CSNK2A2IP: variants seen among roughly 807,000 people sequenced by gnomAD.
CSNK2A2IP encodes casein kinase II subunit alpha'-interacting protein.
the CSNK2A2IP span, among the ~76,000 whole-genome samples, chr3:88,449,818 G>A: frequency 3.2e-5 from 2 of 61,726 alleles, no homozygotes; most frequent in African/African-American, 1.5e-4. Flanking sequence ...TTTTTATATC[G>A]AGACACACAC....
the CSNK2A2IP span, among the ~76,000 whole-genome samples, chr3:88,382,076 T>C: frequency 6.6e-6 from 1 of 152,338 alleles, no homozygotes; most frequent in East Asian, 1.9e-4. Flanking sequence ...AATCTGATTC[T>C]TCACCCAATT....
chr3:88,438,935 G>A, the CSNK2A2IP span, among the ~76,000 whole-genome samples: 3 of 151,594 alleles, frequency 2.0e-5, no homozygotes, highest in African/African-American at 4.8e-5. Context: ...ATGTATCACC[G>A]CTCCCAAAGC....
At chr3:88,446,036 T>TTCTTTC in the CSNK2A2IP span, among the ~76,000 whole-genome samples, 2 of 14,054 alleles carry the variant, frequency 1.4e-4, no homozygotes, top group Non-Finnish European at 1.8e-4. Flanking sequence ...TTTCTTTTCT[T>TTCTTTC]TCTTTCTTTC....
the CSNK2A2IP span, among the ~76,000 whole-genome samples, chr3:88,396,705 A>C: frequency 6.6e-6 from 1 of 152,226 alleles, no homozygotes; most frequent in Non-Finnish European, 1.5e-5. Flanking sequence ...AATGATCTTG[A>C]AGCCAAATCT....
At chr3:88,412,493 A>G in the CSNK2A2IP span, among the ~76,000 whole-genome samples, 2 of 151,944 alleles carry the variant, frequency 1.3e-5, no homozygotes, top group African/African-American at 4.8e-5. Context: ...CTGTTTTGTA[A>G]TAAGTTTCAG....
chr3:88,440,567 T>A, the CSNK2A2IP span, among the ~76,000 whole-genome samples: 1 of 152,156 alleles, frequency 6.6e-6, no homozygotes. Context: ...GTTTTAAAAC[T>A]TTTTGGAAAA....
the CSNK2A2IP span, among the ~76,000 whole-genome samples, chr3:88,420,587 T>G: frequency 6.6e-6 from 1 of 152,276 alleles, no homozygotes; most frequent in South Asian, 2.1e-4. Flanking sequence ...TTCTACAACA[T>G]AAAAATGTTT....
At chr3:88,400,031 G>A in the CSNK2A2IP span, among the ~76,000 whole-genome samples, 1 of 152,162 alleles carries the variant, frequency 6.6e-6, no homozygotes, top group South Asian at 2.1e-4. Flanking sequence ...AGCATATAAT[G>A]AGTATGATAT....
chr3:88,454,955 G>A, the CSNK2A2IP span, among the ~76,000 whole-genome samples: 1 of 151,518 alleles, frequency 6.6e-6, no homozygotes, highest in Non-Finnish European at 1.5e-5. Context: ...CCTTTTATTA[G>A]GTTTCACATA....
the CSNK2A2IP span, among the ~76,000 whole-genome samples, chr3:88,352,504 T>C: frequency 2.0e-5 from 3 of 152,130 alleles, no homozygotes; most frequent in Non-Finnish European, 4.4e-5. Flanking sequence ...ACAAGCATTT[T>C]ATACTCCACA....
the CSNK2A2IP span, among the ~76,000 whole-genome samples, chr3:88,447,253 A>G: frequency 6.6e-6 from 1 of 152,164 alleles, no homozygotes. Flanking sequence ...CAAGTTATGA[A>G]TATTAAAGCA....
At chr3:88,364,747 CTTG>C in the CSNK2A2IP span, among the ~76,000 whole-genome samples, 1 of 152,072 alleles carries the variant, frequency 6.6e-6, no homozygotes, top group Non-Finnish European at 1.5e-5. Context: ...TTCCAGCAGA[CTTG>C]TTGTGGAGCA....
At chr3:88,454,069 A>T in the CSNK2A2IP span, among the ~76,000 whole-genome samples, 5 of 152,014 alleles carry the variant, frequency 3.3e-5, no homozygotes, top group African/African-American at 1.2e-4. Flanking sequence ...TGAGAGTTTC[A>T]ATTCCTCCAC....
the CSNK2A2IP span, among the ~76,000 whole-genome samples, chr3:88,342,295 T>A: frequency 6.6e-6 from 1 of 152,030 alleles, no homozygotes; most frequent in Non-Finnish European, 1.5e-5. Flanking sequence ...ACATCGTGAA[T>A]TATAGCAAGT....
the CSNK2A2IP span, among the ~76,000 whole-genome samples, chr3:88,346,100 C>A: frequency 5.3e-5 from 8 of 151,968 alleles, no homozygotes; most frequent in African/African-American, 1.4e-4. Flanking sequence ...TTCCCTCAAG[C>A]CAAAGCCAAA....
chr3:88,433,771 T>A, the CSNK2A2IP span, among the ~76,000 whole-genome samples: 1 of 152,170 alleles, frequency 6.6e-6, no homozygotes, highest in Admixed American at 6.5e-5. Context: ...AGCAGACACA[T>A]CCTGTACCAC....
chr3:88,449,380 C>T, the CSNK2A2IP span, among the ~76,000 whole-genome samples: 2 of 152,110 alleles, frequency 1.3e-5, no homozygotes, highest in African/African-American at 4.8e-5. Flanking sequence ...CATTCCTTCT[C>T]TCAGAAAATA....
chr3:88,364,684 C>A, the CSNK2A2IP span, among the ~76,000 whole-genome samples: 6 of 152,150 alleles, frequency 3.9e-5, no homozygotes, highest in Admixed American at 3.9e-4. Context: ...TATTTTAAGG[C>A]CTGAAATTAA....
chr3:88,399,429 A>G, the CSNK2A2IP span, among the ~76,000 whole-genome samples: 1 of 152,154 alleles, frequency 6.6e-6, no homozygotes, highest in African/African-American at 2.4e-5. Context: ...CGCCTCACTC[A>G]CTCTGCTCCT....
Sources: gnomAD v4.1 joint callset for allele counts (sites outside exome capture counted in the v4.1 genomes callset) on GRCh38, gnomAD v4.1.1 for gene constraint, MANE v1.5 for transcripts, NCBI Gene and HGNC (gene_info 2026-07-23, HGNC 2026-07-21) for gene names.